Variants in FSTL5 observed in about 807,000 individuals in gnomAD.
The protein encoded by FSTL5 is follistatin like 5, also known as follistatin-related protein 5.
FSTL5 carries 62 observed loss-of-function variants against 89.1 expected under a neutral mutation model. That is an observed-to-expected ratio of 0.70 (90% confidence interval 0.57 to 0.86). The LOEUF is 0.86. Ranked by LOEUF, FSTL5 falls within the 40% of genes least tolerant of loss-of-function variation. The pLI, the probability that FSTL5 is intolerant of heterozygous loss-of-function variation, is 0.00. For synonymous variants in FSTL5, 383 were observed against 346.2 expected (o/e 1.11, Z -1.18); for missense variants, 1,057 against 1,001.6 (o/e 1.06, Z -0.75).
intron 15 of FSTL5, among the ~76,000 whole-genome samples, chr4:161,410,176 C>G (rs1032195638): frequency 3.3e-5 from 5 of 152,092 alleles, no homozygotes; most frequent in Non-Finnish European, 7.4e-5. Flanking sequence ...CACCAGGAAG[C>G]CTTAACTATT....
At chr4:161,445,048 A>G (rs1237482788) in intron 15 of FSTL5, among the ~76,000 whole-genome samples, 1 of 152,022 alleles carries the variant, frequency 6.6e-6, no homozygotes, top group Non-Finnish European at 1.5e-5. Flanking sequence ...ATAAGTACAA[A>G]ATCTACAATT....
chr4:161,848,770 T>C (rs1179321464), intron 4 of FSTL5, among the ~76,000 whole-genome samples: 13 of 152,154 alleles, frequency 8.5e-5, no homozygotes, highest in Non-Finnish European at 1.9e-4. Context: ...GTTCTGATCC[T>C]CATGAAAGAG....
chr4:161,460,653 T>C (rs1275532812), intron 13 of FSTL5, among the ~76,000 whole-genome samples: 1 of 152,202 alleles, frequency 6.6e-6, no homozygotes, highest in Non-Finnish European at 1.5e-5. Context: ...TCGAAAATAA[T>C]GCCCTTCATT....
intron 4 of FSTL5, among the ~76,000 whole-genome samples, chr4:161,862,836 A>G (rs991771579): frequency 3.9e-5 from 6 of 152,220 alleles, no homozygotes; most frequent in Non-Finnish European, 5.9e-5. Flanking sequence ...TTACAAATGT[A>G]CTTTTGTTAT....
At chr4:161,772,796 A>C (rs2126801337) in intron 5 of FSTL5, among the ~76,000 whole-genome samples, 1 of 152,252 alleles carries the variant, frequency 6.6e-6, no homozygotes, top group African/African-American at 2.4e-5. Context: ...ATCCAATGCA[A>C]TTCCCACTAA....
At chr4:162,160,484 A>T (rs1026135534) in intron 1 of FSTL5, among the ~76,000 whole-genome samples, 1 of 112,856 alleles carries the variant, frequency 8.9e-6, no homozygotes, top group East Asian at 2.3e-4. Flanking sequence ...TACTCTAACA[A>T]CAGGAAATAT....
At chr4:161,992,595 C>A (rs1291658429) in intron 3 of FSTL5, among the ~76,000 whole-genome samples, 8 of 151,730 alleles carry the variant, frequency 5.3e-5, no homozygotes, top group Non-Finnish European at 8.8e-5. Context: ...GTAATCCCAG[C>A]ACTTTGGAAA....
rs184474068 is a variant in FSTL5, at chr4:161,408,463, G to A, written c.1842-22014C>T. Among the ~76,000 whole-genome samples the A allele has an allele frequency of 5.7e-3, 865 of 152,142 alleles. 4 individuals carry two copies. The highest frequency in any genetic ancestry group is 0.024 in the South Asian group (115 of 4,822). On this transcript the variant is annotated intron_variant, in intron 15 of 15. Coordinates refer to ENST00000306100, the MANE Select transcript of FSTL5 (RefSeq NM_020116.5). The stretch of plus-strand genomic sequence containing the variant: ...TTAAATCACAATTAAAGAAATACCA[G>A]CCCTCCCAAATGAGAAAGAATAAGC...
chr4:161,738,347 A>C (rs1338365770), intron 6 of FSTL5, among the ~76,000 whole-genome samples: 2 of 152,082 alleles, frequency 1.3e-5, no homozygotes, highest in African/African-American at 4.8e-5. Context: ...CCTTTACAAT[A>C]CATATGATTT....
At chr4:161,847,647 A>C (rs1050656184) in intron 4 of FSTL5, among the ~76,000 whole-genome samples, 1 of 152,148 alleles carries the variant, frequency 6.6e-6, no homozygotes, top group Non-Finnish European at 1.5e-5. Context: ...GTTCTAATAA[A>C]CAATAAAATA....
At chr4:161,432,246 T>C (rs1035515108) in intron 15 of FSTL5, among the ~76,000 whole-genome samples, 10 of 152,194 alleles carry the variant, frequency 6.6e-5, no homozygotes, top group Non-Finnish European at 1.2e-4. Flanking sequence ...ACTGATATAA[T>C]ATCAAAGATC....
intron 2 of FSTL5, among the ~76,000 whole-genome samples, chr4:162,054,119 T>C (rs1738466694): frequency 6.6e-6 from 1 of 150,982 alleles, no homozygotes; most frequent in Admixed American, 6.6e-5. Context: ...ACATCAATCT[T>C]AGGTTAACTG....
At chr4:161,510,367 G>C (rs779080838) in intron 11 of FSTL5, 31 bp downstream of exon 11, 1 of 1,405,974 alleles carries the variant, frequency 7.1e-7, no homozygotes, top group Non-Finnish European at 9.7e-7. Context: ...AAGCAAAATT[G>C]TCACAACATA....
At chr4:161,675,316 T>C (rs1417928186) in intron 6 of FSTL5, among the ~76,000 whole-genome samples, 3 of 151,812 alleles carry the variant, frequency 2.0e-5, no homozygotes, top group African/African-American at 7.2e-5. Context: ...TGTAACATCA[T>C]ATTTTCTACT....
chr4:162,048,919 G>A (rs1013429386), intron 2 of FSTL5, among the ~76,000 whole-genome samples: 3 of 152,094 alleles, frequency 2.0e-5, no homozygotes, highest in South Asian at 2.1e-4. Flanking sequence ...ATCCTATAAG[G>A]TGAGGGTAGA....
intron 6 of FSTL5, among the ~76,000 whole-genome samples, chr4:161,671,657 T>C (rs1034236289): frequency 2.6e-5 from 4 of 151,910 alleles, no homozygotes; most frequent in African/African-American, 9.7e-5. Context: ...CATTTAGATA[T>C]GAGTGAGTTC....
intron 3 of FSTL5, among the ~76,000 whole-genome samples, chr4:162,014,085 G>T (rs1338270623): frequency 1.3e-5 from 2 of 152,186 alleles, no homozygotes; most frequent in East Asian, 3.9e-4. Context: ...GTCTGTGGCA[G>T]CTTGACTTGC....
chr4:161,697,921 G>T (rs535710943), intron 6 of FSTL5, among the ~76,000 whole-genome samples: 5 of 150,858 alleles, frequency 3.3e-5, no homozygotes, highest in African/African-American at 4.8e-5. Context: ...TGTCCATTCA[G>T]TTACAAAATA....
intron 8 of FSTL5, among the ~76,000 whole-genome samples, chr4:161,578,318 G>T (rs60519017): frequency 0.21 from 32,289 of 151,738 alleles, 3,623 homozygotes; most frequent in Non-Finnish European, 0.24. Context: ...AATAAATTTA[G>T]GAAAAAGAAC....
Sources: gnomAD v4.1 joint callset for allele counts (sites outside exome capture counted in the v4.1 genomes callset) on GRCh38, gnomAD v4.1.1 for gene constraint, MANE v1.5 for transcripts, NCBI Gene and HGNC (gene_info 2026-07-23, HGNC 2026-07-21) for gene names.